The following IST1 variants were observed in gnomAD, a reference collection of about 807,000 sequenced individuals.
The protein encoded by IST1 is IST1 homolog.
IST1 carries 23 observed loss-of-function variants against 37.0 expected under a neutral mutation model. That is an observed-to-expected ratio of 0.62 (90% CI 0.45 to 0.88). The LOEUF (loss-of-function observed/expected upper bound fraction) is 0.88. IST1 is among the 40% of genes least tolerant of loss of function. The pLI is 0.00. For synonymous variants in IST1, 180 were observed against 161.7 expected (o/e 1.11, Z -0.86); for missense variants, 488 against 445.4 (o/e 1.10, Z -0.86).
intron 9 of IST1, among the ~76,000 whole-genome samples, chr16:71,925,824 A>G (rs12444829): frequency 0.72 from 109,873 of 151,608 alleles, 40,428 homozygotes; most frequent in East Asian, 0.98. Context: ...GCTTGGTGGT[A>G]TGGACTTGTG....
Position 71,930,014 on chromosome 16 carries a change from G to C in IST1, c.*2201G>C. 6.5e-7 allele frequency: 1 copy of C among 1,531,408 alleles called. No individual in the cohort carries two copies. The highest frequency in any genetic ancestry group is 8.8e-7 in the Non-Finnish European group (1 of 1,137,052). 94.9% of individuals were successfully genotyped at this position (1,531,408 alleles called of 1,614,324 possible). On this transcript the variant is annotated 3_prime_UTR_variant, in exon 10 of 10. Transcript: ENST00000378799. ...GCAGTTACAGTGGAGCTTTCCCAGT[G>C]ATATAACAGCATGCTAGTTTATCTT...
intron 1 of IST1, among the ~76,000 whole-genome samples, chr16:71,904,560 C>T (rs941470426): frequency 3.9e-5 from 6 of 152,176 alleles, no homozygotes; most frequent in African/African-American, 1.4e-4. Flanking sequence ...ACTACAGGCA[C>T]ATGCTACCGT....
intron 3 of IST1, among the ~76,000 whole-genome samples, 154 bp from the exon 4 acceptor site, chr16:71,916,893 T>G (rs1175755809): frequency 6.6e-6 from 1 of 152,160 alleles, no homozygotes; most frequent in Non-Finnish European, 1.5e-5. Flanking sequence ...AAAAGTAAAA[T>G]AAGATCACGA....
chr16:71,927,669 C>G lies in IST1; in HGVS notation c.957C>G (p.Asn319Lys). 1 of 1,613,998 alleles carries G rather than the reference C, an allele frequency of 6.2e-7. No homozygotes were observed. The highest frequency in any genetic ancestry group is 8.5e-7 in the Non-Finnish European group (1 of 1,179,870). Residue 319 changes from asparagine to lysine, a missense_variant, in exon 10 of 10, where the codon AAC becomes AAG. Around this residue, in one of 2 missense-constraint regions of IST1, gnomAD observed 455 missense variants for 386.2 expected, o/e 1.18. Transcript: ENST00000378799. ...SAKLPSRPAD[N>K]YDNFVLPELP... ...AGCTTCCTTCCAGACCTGCAGATAA[C>G]TATGACAACTTTGTCCTACCAGAGT...
intron 8 of IST1, chr16:71,924,464 G>A (rs2037688695): frequency 8.0e-6 from 4 of 501,832 alleles, no homozygotes; most frequent in South Asian, 6.3e-5. Flanking sequence ...AGTGCTGCAT[G>A]CCTGTGGTCC....
At position 71,930,101 on chromosome 16, in the gene IST1, A is replaced by G; in HGVS notation, c.*2288A>G. 6.4e-7 allele frequency: 1 copy of G among 1,551,610 alleles called. No individual in the cohort carries two copies. The highest frequency in any genetic ancestry group is 8.7e-7 in the Non-Finnish European group (1 of 1,146,910). ...AAAGGCCATGAGAATGGCCGAAACG[A>G]AAAGATTAATTACCACAAGTACCAT... On this transcript the variant is annotated 3_prime_UTR_variant, in exon 10 of 10. Coordinates refer to ENST00000378799, the MANE Select transcript of IST1 (RefSeq NM_001270975.2).
At chr16:71,918,362 T>C (rs1438401595) in intron 4 of IST1, among the ~76,000 whole-genome samples, 1 of 150,978 alleles carries the variant, frequency 6.6e-6, no homozygotes, top group Non-Finnish European at 1.5e-5. Context: ...GGGATAGTAA[T>C]TGAGTTTTGT....
In IST1 at chr16:71,930,443, A is replaced by G. The variant is rs2143058613; in HGVS notation, c.*2630A>G. The G allele has an allele frequency of 3.3e-6, 1 of 302,128 alleles. No homozygotes were observed. The highest frequency in any genetic ancestry group is 5.4e-5 in the East Asian group (1 of 18,450). 18.7% of individuals were successfully genotyped at this position (302,128 alleles called of 1,614,324 possible). On this transcript the variant is annotated 3_prime_UTR_variant, in exon 10 of 10. Coordinates refer to ENST00000378799, the MANE Select transcript of IST1 (RefSeq NM_001270975.2). ...CAGGTGAGTTGCAGTGGAATTGGAA[A>G]TGATTCAAATGTCACATGAGTTTTG... is the stretch of plus-strand genomic sequence containing the variant.
chr16:71,911,070 T>A (rs2142553616), intron 1 of IST1, among the ~76,000 whole-genome samples: 1 of 152,102 alleles, frequency 6.6e-6, no homozygotes, highest in African/African-American at 2.4e-5. Flanking sequence ...TGAAACCCCG[T>A]CTCTACTAAA....
intron 8 of IST1, chr16:71,924,297 T>C (rs74842379): frequency 2.4e-6 from 1 of 409,976 alleles, no homozygotes; most frequent in Non-Finnish European, 4.8e-6. Context: ...GATTTTTTTT[T>C]CTCTGCTTGG....
chr16:71,925,723 T>G (rs1359590109), intron 9 of IST1, among the ~76,000 whole-genome samples: 3 of 152,138 alleles, frequency 2.0e-5, no homozygotes, highest in Non-Finnish European at 2.9e-5. Context: ...TTTGGGAAGC[T>G]GAGGCAGGAG....
At position 71,905,610 on chromosome 16, in the gene IST1, C is replaced by G. The variant is rs544377461; in HGVS notation, c.-15-10016C>G. Among the ~76,000 whole-genome samples the G allele has an allele frequency of 7.4e-4, 112 of 152,224 alleles. 1 individual carries two copies. The highest frequency in any genetic ancestry group is 2.6e-3 in the African/African-American group (109 of 41,546). On this transcript the variant is annotated intron_variant, in intron 1 of 9. Coordinates refer to ENST00000378799, the MANE Select transcript of IST1 (RefSeq NM_001270975.2). The stretch of plus-strand genomic sequence containing the variant: ...GGCCAGGCTGGTCTTGAACTCCTGA[C>G]CTCAGGCGATCCACCTGCCTTGGCC...
At chr16:71,924,227 A>G (rs759298428) in intron 8 of IST1, 20 of 453,420 alleles carry the variant, frequency 4.4e-5, no homozygotes, top group Non-Finnish European at 7.1e-5. Context: ...GATATATTCA[A>G]GAATGCTTTC....
In IST1 at chr16:71,927,665, A is replaced by G. The variant is rs369436046; in HGVS notation, c.953A>G (p.Asp318Gly). ...ASAKLPSRPA[D>G]NYDNFVLPEL... Reference sequence around the variant, plus strand: ...GCAAAGCTTCCTTCCAGACCTGCAGATAACTATGACAACTTTGTCCTACCA... The same window carrying G: ...GCAAAGCTTCCTTCCAGACCTGCAGGTAACTATGACAACTTTGTCCTACCA... Residue 318 changes from aspartate (D) to glycine (G), a missense_variant, in exon 10 of 10, where the codon GAT (aspartate) becomes GGT (glycine). Coordinates refer to ENST00000378799, the MANE Select transcript of IST1 (RefSeq NM_001270975.2). 6.8e-5 allele frequency: 110 copies of G among 1,613,966 alleles called. No homozygotes were observed. The East Asian group carries it at 1.2e-3, about 18-fold the overall frequency.
At chr16:71,916,389 G>A in intron 2 of IST1, 73 bp from the exon 3 acceptor site, 2 of 1,433,192 alleles carry the variant, frequency 1.4e-6, no homozygotes, top group Non-Finnish European at 1.9e-6. Flanking sequence ...TCTTCCTGTT[G>A]GGGGGAGATT....
In IST1 at chr16:71,929,693, CAAAA is replaced by C. The variant is rs1567480054; in HGVS notation, c.*1882_*1885del. 4 of 1,512,642 alleles carry C rather than the reference CAAAA, an allele frequency of 2.6e-6. No homozygotes were observed. The East Asian group carries it at 7.4e-5, about 28-fold the overall frequency. 93.7% of individuals were successfully genotyped at this position (1,512,642 alleles called of 1,614,324 possible). On this transcript the variant is annotated 3_prime_UTR_variant, in exon 10 of 10. Transcript: ENST00000378799. The stretch of plus-strand genomic sequence containing the variant: ...GCAGCTTCTTTCTGAGTATTGAAGA[CAAAA>C]AGAGAAAAGTGAGAAAATTGAAATT...
chr16:71,918,342 T>C (rs1370217091), intron 4 of IST1, among the ~76,000 whole-genome samples: 1 of 149,860 alleles, frequency 6.7e-6, no homozygotes, highest in East Asian at 2.0e-4. Flanking sequence ...AATAGTCCAA[T>C]AGGGTACCAG....
chr16:71,912,298 C>T (rs759123596), intron 1 of IST1, among the ~76,000 whole-genome samples: 7 of 151,966 alleles, frequency 4.6e-5, no homozygotes, highest in Non-Finnish European at 8.8e-5. Context: ...AGTGCGGTGG[C>T]GCGGTCTCAG....
At chr16:71,906,905 C>G (rs923388330) in intron 1 of IST1, among the ~76,000 whole-genome samples, 2 of 152,062 alleles carry the variant, frequency 1.3e-5, no homozygotes, top group Non-Finnish European at 2.9e-5. Context: ...TGTCTCATGC[C>G]TGTAGTCCCA....
Sources: gnomAD v4.1 joint callset for allele counts (sites outside exome capture counted in the v4.1 genomes callset) on GRCh38, gnomAD v4.1.1 for gene constraint, gnomAD v4.1.1 regional missense constraint, MANE v1.5 for transcripts, NCBI Gene and HGNC (gene_info 2026-07-23, HGNC 2026-07-21) for gene names.